The following RAB6B variants were observed in gnomAD, a reference collection of about 807,000 sequenced individuals.
RAB6B encodes ras-related protein Rab-6B.
Under a neutral mutation model 31.2 loss-of-function variants are expected in RAB6B, and 7 were observed. The observed-to-expected ratio is 0.22, with a 90% CI of 0.13 to 0.42. The LOEUF (loss-of-function observed/expected upper bound fraction) is 0.42, where lower values mean the gene tolerates loss of function less well. Among genes scored for constraint, RAB6B ranks in the 10% least tolerant of loss-of-function variants. The pLI is 1.00. For missense variants in RAB6B, 149 were observed against 280.6 expected, an observed-to-expected ratio of 0.53 and a Z score of 3.35; for synonymous variants, 105 against 104.9, an observed-to-expected ratio of 1.00 and a Z score of -0.01.
At chr3:133,854,376 C>T (rs879536918) in intron 2 of RAB6B, among the ~76,000 whole-genome samples, 9 of 152,276 alleles carry the variant, frequency 5.9e-5, no homozygotes, top group Non-Finnish European at 7.3e-5. Flanking sequence ...GGGATGTAAA[C>T]GCAGGATATC....
intron 2 of RAB6B, among the ~76,000 whole-genome samples, chr3:133,861,009 T>C (rs2108001731): frequency 6.6e-6 from 1 of 152,312 alleles, no homozygotes; most frequent in Non-Finnish European, 1.5e-5. Flanking sequence ...AGAGTGCTGC[T>C]ACCACCAAAT....
chr3:133,888,066 T>C (rs1396650861), intron 1 of RAB6B, among the ~76,000 whole-genome samples: 5 of 152,190 alleles, frequency 3.3e-5, no homozygotes, highest in Non-Finnish European at 7.4e-5. Flanking sequence ...CCACGAGTCA[T>C]GCACAGCAGA....
At position 133,895,383 on chromosome 3, in the gene RAB6B, A is replaced by G; in HGVS notation, c.70+14T>C. On this transcript the variant is annotated intron_variant, in intron 1 of 7. Transcript: ENST00000285208. ...GACTCGGCGACAAGCCAAGAGATTA[A>G]GCCGGGTACTTACCGCTCTGCTCCC... 1 of 1,608,940 alleles carries G rather than the reference A, an allele frequency of 6.2e-7. No individual in the cohort carries two copies. The highest frequency in any genetic ancestry group is 8.5e-7 in the Non-Finnish European group (1 of 1,177,394).
At chr3:133,875,922 CA>C (rs1350691268) in intron 1 of RAB6B, among the ~76,000 whole-genome samples, 1 of 152,162 alleles carries the variant, frequency 6.6e-6, no homozygotes, top group Admixed American at 6.5e-5. Context: ...GAGGGAGAGG[CA>C]GTACTATCCG....
At chr3:133,839,449 G>T in intron 5 of RAB6B, 57 bp downstream of exon 5, 1 of 1,427,416 alleles carries the variant, frequency 7.0e-7, no homozygotes, top group Non-Finnish European at 9.9e-7. Flanking sequence ...CCCTGTCCAG[G>T]AGCAGTTACA....
chr3:133,827,746 A>ACACCCCCCCC lies in RAB6B; in HGVS notation c.*1041_*1042insGGGGGGGGTG. 1 of 72,112 alleles carries ACACCCCCCCC rather than the reference A, an allele frequency of 1.4e-5. No homozygotes were observed. Among genetic ancestry groups the ACACCCCCCCC allele is most frequent in the Admixed American group, 2.1e-4 (1 of 4,734 alleles). 4.5% of individuals were successfully genotyped at this position (72,112 alleles called of 1,614,324 possible). A position where few individuals can be genotyped will look rare whatever the true frequency, so the allele number is the denominator to read the frequency against. ...TCAAGGTGGTGGTTCTGCAGACAAC[A>ACACCCCCCCC]CCCCCCCCCCCCCCCGCCTCCCCAT... On this transcript the variant is annotated 3_prime_UTR_variant, in exon 8 of 8. Coordinates refer to ENST00000285208, the MANE Select transcript of RAB6B (RefSeq NM_016577.4).
At chr3:133,849,412 T>A (rs1935947823) in intron 2 of RAB6B, among the ~76,000 whole-genome samples, 2 of 152,228 alleles carry the variant, frequency 1.3e-5, no homozygotes, top group Non-Finnish European at 2.9e-5. Flanking sequence ...AGCCCTCAGA[T>A]AACTCATTTG....
intron 1 of RAB6B, among the ~76,000 whole-genome samples, chr3:133,880,607 C>T (rs531485360): frequency 1.3e-5 from 2 of 152,256 alleles, no homozygotes; most frequent in Non-Finnish European, 2.9e-5. Flanking sequence ...GGAAGCCCTG[C>T]GGTCTCCATC....
At chr3:133,865,542 C>A (rs940375834) in intron 1 of RAB6B, among the ~76,000 whole-genome samples, 1 of 152,238 alleles carries the variant, frequency 6.6e-6, no homozygotes, top group African/African-American at 2.4e-5. Flanking sequence ...GGGCCCTGCA[C>A]GGATGCCTGT....
At chr3:133,865,494 G>A (rs1045321440) in intron 1 of RAB6B, among the ~76,000 whole-genome samples, 4 of 152,252 alleles carry the variant, frequency 2.6e-5, no homozygotes, top group Non-Finnish European at 5.9e-5. Context: ...ACCATCTGGG[G>A]TGGGGGAAGA....
intron 1 of RAB6B, among the ~76,000 whole-genome samples, chr3:133,895,064 A>G (rs1324515055): frequency 6.6e-6 from 1 of 152,088 alleles, no homozygotes; most frequent in Non-Finnish European, 1.5e-5. Flanking sequence ...AGTGTGAGCT[A>G]GCCAGCGAGC....
rs1936367504 is a variant in RAB6B at position 133,874,661 on chromosome 3, A to G, written c.71-10019T>C. Among the ~76,000 whole-genome samples, 5 of 152,226 alleles carry G rather than the reference A, an allele frequency of 3.3e-5. No homozygotes were observed. In the South Asian group the frequency reaches 1.0e-3, roughly 32 times the overall value. On this transcript the variant is annotated intron_variant, in intron 1 of 7. Transcript: ENST00000285208. ...TAATAAATTAACCTTAGCTCACTAC[A>G]ACATTTTTTACTTTATAAACTTTTT... is the stretch of plus-strand genomic sequence containing the variant.
At chr3:133,893,783 G>A (rs773229593) in intron 1 of RAB6B, among the ~76,000 whole-genome samples, 4 of 152,240 alleles carry the variant, frequency 2.6e-5, no homozygotes, top group South Asian at 4.1e-4. Flanking sequence ...ATCCCTGCAG[G>A]TTATCTCCCA....
intron 1 of RAB6B, among the ~76,000 whole-genome samples, chr3:133,870,895 T>C (rs541923991): frequency 6.6e-6 from 1 of 152,332 alleles, no homozygotes; most frequent in East Asian, 1.9e-4. Context: ...CTTGGTCCCA[T>C]GTACCCTGGA....
At chr3:133,872,517 C>G (rs763038463) in intron 1 of RAB6B, among the ~76,000 whole-genome samples, 5 of 152,230 alleles carry the variant, frequency 3.3e-5, no homozygotes, top group Non-Finnish European at 2.9e-5. Flanking sequence ...TCCATCTGAA[C>G]CTTGTTTCCT....
rs1308138053 is a variant in RAB6B at position 133,824,987 on chromosome 3, G to GTT, written c.*3799_*3800dup. ...GTTTTCCTGCCTGTAGACAGGAAAA[G>GTT]TTGTGACAGCTCTGCTTCACATAGC... On this transcript the variant is annotated 3_prime_UTR_variant, in exon 8 of 8. Transcript: ENST00000285208. 2.0e-5 allele frequency: 3 copies of GTT among 152,086 alleles called. No individual in the cohort carries two copies. Among genetic ancestry groups the GTT allele is most frequent in the Non-Finnish European group, 4.4e-5 (3 of 68,030 alleles). The allele number at this position is 152,086 out of a possible 1,614,324, so 9.4% of individuals were successfully genotyped here.
rs535344910 is a variant in RAB6B at position 133,866,073 on chromosome 3, T to A, written c.71-1431A>T. On this transcript the variant is annotated intron_variant, in intron 1 of 7. Transcript: ENST00000285208. ...TCATTTGAAAATGAGTATATTAACA[T>A]CAAAGACTTCAGGGGGCTGTAGTAA... 7.9e-5 allele frequency among the ~76,000 whole-genome samples: 12 copies of A among 152,212 alleles called. No homozygotes were observed. In the East Asian group the frequency reaches 1.7e-3, roughly 22 times the overall value.
At chr3:133,872,623 G>A (rs1031110015) in intron 1 of RAB6B, among the ~76,000 whole-genome samples, 1 of 152,176 alleles carries the variant, frequency 6.6e-6, no homozygotes, top group Admixed American at 6.5e-5. Context: ...ACCCTACCCT[G>A]CCACCCTGGA....
intron 1 of RAB6B, among the ~76,000 whole-genome samples, chr3:133,872,096 G>A (rs1336391388): frequency 1.3e-5 from 2 of 152,318 alleles, no homozygotes; most frequent in African/African-American, 2.4e-5. Context: ...AAGAATCTCT[G>A]CATCCCCGGC....
Sources: gnomAD v4.1 joint callset for allele counts (sites outside exome capture counted in the v4.1 genomes callset) on GRCh38, gnomAD v4.1.1 for gene constraint, MANE v1.5 for transcripts, NCBI Gene and HGNC (gene_info 2026-07-23, HGNC 2026-07-21) for gene names.